Variants in DOCK3 observed in about 807,000 individuals in gnomAD.
The protein encoded by DOCK3 is dedicator of cytokinesis protein 3.
In DOCK3, 60 loss-of-function variants were observed where a neutral mutation model predicts 265.6. That is an observed-to-expected ratio of 0.23 (90% CI 0.18 to 0.28). The LOEUF is 0.28. Among genes scored for constraint, DOCK3 ranks in the 10% least tolerant of loss-of-function variants. The probability of loss-of-function intolerance (pLI) is 1.00; values close to 1 mark genes in which losing one functional copy is unlikely to be tolerated. For missense variants in DOCK3, 1,981 were observed against 2,594.3 expected, an observed-to-expected ratio of 0.76 and a Z score of 5.14; for synonymous variants, 881 against 938.0, an observed-to-expected ratio of 0.94 and a Z score of 1.11.
chr3:50,679,685 G>C (rs1221441611), intron 1 of DOCK3, among the ~76,000 whole-genome samples: 1 of 152,148 alleles, frequency 6.6e-6, no homozygotes, highest in Non-Finnish European at 1.5e-5. Context: ...CACCAAAATA[G>C]TCTGAAGACA....
intron 12 of DOCK3, among the ~76,000 whole-genome samples, chr3:51,185,684 G>T (rs2087558162): frequency 6.6e-6 from 1 of 152,112 alleles, no homozygotes; most frequent in Non-Finnish European, 1.5e-5. Flanking sequence ...GGAGGGACCT[G>T]GTGGGAGATA....
rs2033915061 is a variant in DOCK3, at chr3:50,675,864, C to T, written c.37+564C>T. ...CCTTACGATGGGAAATGTTTTTGGA[C>T]ATGTATCAATGTTTATACGGTTTTT... On this transcript the variant is annotated intron_variant, in intron 1 of 52. Transcript: ENST00000266037. This position sits in a 1 kb window ranked among gnomAD's most constrained non-coding sequence, Gnocchi z 6.1. Among the ~76,000 whole-genome samples, 2 of 151,764 alleles carry T rather than the reference C, an allele frequency of 1.3e-5. No individual in the cohort carries two copies. The highest frequency in any genetic ancestry group is 1.3e-4 in the Admixed American group (2 of 15,226).
intron 9 of DOCK3, among the ~76,000 whole-genome samples, chr3:51,098,355 C>T (rs1352220114): frequency 6.6e-6 from 1 of 152,206 alleles, no homozygotes; most frequent in East Asian, 1.9e-4. Context: ...GTGCCTGGCC[C>T]AAAGTCCCAT....
intron 5 of DOCK3, among the ~76,000 whole-genome samples, chr3:50,997,246 C>T (rs2078318766): frequency 6.6e-6 from 1 of 152,022 alleles, no homozygotes; most frequent in African/African-American, 2.4e-5. Context: ...AAAAAATGCA[C>T]AGTATCCATT....
chr3:51,023,981 T>G (rs1370063016), intron 5 of DOCK3, among the ~76,000 whole-genome samples: 8 of 152,230 alleles, frequency 5.3e-5, no homozygotes, highest in Admixed American at 5.2e-4. Flanking sequence ...CTGGATTTAT[T>G]TCTAATTTGG....
At chr3:51,065,569 C>T (rs2081562014) in intron 6 of DOCK3, among the ~76,000 whole-genome samples, 1 of 152,184 alleles carries the variant, frequency 6.6e-6, no homozygotes, top group African/African-American at 2.4e-5. Context: ...GTCTAAGGAA[C>T]AGTCTACCCC....
chr3:50,711,800 G>T (rs973477260), intron 1 of DOCK3, among the ~76,000 whole-genome samples: 1 of 152,126 alleles, frequency 6.6e-6, no homozygotes, highest in Non-Finnish European at 1.5e-5. Context: ...CATCTGGGCT[G>T]TGCTTTTCTG....
chr3:50,989,603 C>G (rs1239244058), intron 5 of DOCK3, among the ~76,000 whole-genome samples: 2 of 152,154 alleles, frequency 1.3e-5, no homozygotes, highest in Non-Finnish European at 2.9e-5. Flanking sequence ...AAATAAAACC[C>G]CTGCAGAGTA....
At chr3:50,923,561 A>ATC (rs1435511326) in intron 4 of DOCK3, among the ~76,000 whole-genome samples, 1 of 152,176 alleles carries the variant, frequency 6.6e-6, no homozygotes, top group African/African-American at 2.4e-5. Context: ...GCTAAACCTT[A>ATC]TCACTACCTT....
At chr3:50,778,812 A>G (rs2041755539) in intron 2 of DOCK3, 54 bp downstream of exon 2, 3 of 1,268,402 alleles carry the variant, frequency 2.4e-6, no homozygotes, top group Non-Finnish European at 2.2e-6. Flanking sequence ...GCAGTATTAT[A>G]TACATTTATT....
intron 5 of DOCK3, among the ~76,000 whole-genome samples, chr3:51,040,302 T>TAAATGTGGTTA (rs1272102898): frequency 1.3e-5 from 2 of 152,114 alleles, no homozygotes; most frequent in East Asian, 3.8e-4. Flanking sequence ...AGAGGTACTG[T>TAAATGTGGTTA]AAATGTGGTT....
chr3:51,063,919 A>G (rs1432492688), intron 5 of DOCK3, among the ~76,000 whole-genome samples: 2 of 152,204 alleles, frequency 1.3e-5, no homozygotes, highest in African/African-American at 4.8e-5. Flanking sequence ...TAGAAAAGCT[A>G]ATTAGAAAAT....
At chr3:50,966,483 G>GT (rs140247895) in intron 5 of DOCK3, among the ~76,000 whole-genome samples, 169 of 116,888 alleles carry the variant, frequency 1.4e-3, no homozygotes, top group African/African-American at 4.3e-3. Flanking sequence ...GTTATCTCTT[G>GT]TTTTTTTTTT....
chr3:51,279,767 T>A (rs183897473), intron 26 of DOCK3, among the ~76,000 whole-genome samples: 1 of 152,258 alleles, frequency 6.6e-6, no homozygotes, highest in African/African-American at 2.4e-5. Flanking sequence ...TTTCCAAGTA[T>A]CCTCTATAGA....
intron 5 of DOCK3, among the ~76,000 whole-genome samples, chr3:51,041,553 G>A (rs1331092922): frequency 1.3e-5 from 2 of 151,960 alleles, no homozygotes; most frequent in Non-Finnish European, 2.9e-5. Flanking sequence ...CTTGAAAGTG[G>A]AAATTACTCC....
chr3:51,350,478 C>G, intron 40 of DOCK3, 86 bp downstream of exon 40: 1 of 1,431,280 alleles, frequency 7.0e-7, no homozygotes, highest in Non-Finnish European at 9.7e-7. Flanking sequence ...CCCTTTTTGC[C>G]TTTTCTACTG....
intron 3 of DOCK3, among the ~76,000 whole-genome samples, chr3:50,851,833 G>A (rs1274225970): frequency 6.6e-6 from 1 of 152,184 alleles, no homozygotes; most frequent in African/African-American, 2.4e-5. Flanking sequence ...TCTGATCTCT[G>A]GTTCAAGACT....
At chr3:51,315,552 G>T (rs1289528276) in intron 32 of DOCK3, among the ~76,000 whole-genome samples, 2 of 152,076 alleles carry the variant, frequency 1.3e-5, no homozygotes, top group African/African-American at 4.8e-5. Context: ...TGCACAGAGG[G>T]GTTGGTCCAG....
intron 1 of DOCK3, among the ~76,000 whole-genome samples, chr3:50,745,925 G>T (rs1318507791): frequency 1.3e-5 from 2 of 152,102 alleles, no homozygotes; most frequent in African/African-American, 2.4e-5. Flanking sequence ...AGAGCTTCCT[G>T]TTCTGTCATT....
Sources: gnomAD v4.1 joint callset for allele counts (sites outside exome capture counted in the v4.1 genomes callset) on GRCh38, gnomAD v4.1.1 for gene constraint, Gnocchi (gnomAD v3.1) non-coding constraint, MANE v1.5 for transcripts, NCBI Gene and HGNC (gene_info 2026-07-23, HGNC 2026-07-21) for gene names.